Variants in TASOR2 observed in about 807,000 individuals in gnomAD.
TASOR2 encodes transcription activation suppressor family member 2.
TASOR2 carries 84 observed loss-of-function variants against 199.5 expected under a neutral mutation model. That is an observed-to-expected ratio of 0.42 (90% CI 0.35 to 0.50). The LOEUF (loss-of-function observed/expected upper bound fraction) is 0.50. Ranked by LOEUF, TASOR2 falls within the 20% of genes least tolerant of loss-of-function variation. TASOR2 has a pLI of 0.02. For synonymous variants in TASOR2, 1,103 were observed against 1,046.6 expected (o/e 1.05, Z -1.04); for missense variants, 2,796 against 2,835.9 (o/e 0.99, Z 0.32).
rs146849760 is a variant in TASOR2 at position 5,757,169 on chromosome 10, G to A, written c.6733-351G>A. On this transcript the variant is annotated intron_variant, in intron 16 of 20. Transcript: ENST00000328090. ...CTGCCGTCATCAGCAGGCAGTCGTCGGTGCTGGCACCAAGGGGAGCTGGAG... is the reference window on the plus strand; with the variant it reads ...CTGCCGTCATCAGCAGGCAGTCGTCAGTGCTGGCACCAAGGGGAGCTGGAG... Among the ~76,000 whole-genome samples the A allele has an allele frequency of 4.4e-3, 669 of 152,330 alleles. 1 individual carries two copies. Among genetic ancestry groups the A allele is most frequent in the Non-Finnish European group, 7.6e-3 (515 of 68,026 alleles).
chr10:5,692,387 G>A (rs1361974593), intron 1 of TASOR2, among the ~76,000 whole-genome samples: 2 of 152,086 alleles, frequency 1.3e-5, no homozygotes, highest in Non-Finnish European at 2.9e-5. Context: ...TTGCGGGTAG[G>A]ACACTTAAGG....
rs545669047 is a variant in TASOR2 at position 5,691,412 on chromosome 10, A to G, written c.-288+6237A>G. Among the ~76,000 whole-genome samples the G allele has an allele frequency of 4.9e-4, 75 of 152,300 alleles. 2 individuals carry two copies. Among genetic ancestry groups the G allele is most frequent in the Admixed American group, 4.7e-3 (72 of 15,302 alleles). On this transcript the variant is annotated intron_variant, in intron 1 of 20. Transcript: ENST00000328090. The stretch of plus-strand genomic sequence containing the variant: ...TCCAAAAATAAGCAAGCCACAGCTA[A>G]ATGAAAAAGTCATAGTACATAGGTG...
chr10:5,720,405 T>C lies in TASOR2; in HGVS notation c.-99-139T>C, dbSNP rs2131570710. The C allele has an allele frequency of 1.4e-6, 2 of 1,386,982 alleles. No homozygotes were observed. Among genetic ancestry groups the C allele is most frequent in the Non-Finnish European group, 1.9e-6 (2 of 1,076,566 alleles). 85.9% of individuals were successfully genotyped at this position (1,386,982 alleles called of 1,614,324 possible). On this transcript the variant is annotated intron_variant, in intron 3 of 20. Transcript: ENST00000328090. This position sits in a 1 kb window ranked among gnomAD's most constrained non-coding sequence, Gnocchi z 5.3. ...GCCTTTGAACTGAGTCAGGTATAGT[T>C]ACCTGTGAATGAGTAACACCCAAGA...
Position 5,751,557 on chromosome 10 carries a change from G to A in TASOR2, c.6606+1530G>A, listed in dbSNP as rs781321125. On this transcript the variant is annotated intron_variant, in intron 15 of 20. Coordinates refer to ENST00000328090, the Ensembl canonical transcript of TASOR2. This position sits in a 1 kb window ranked among gnomAD's most constrained non-coding sequence, Gnocchi z 5.3. ...GGAGTCCCTTTAAGTTGGCTTCTGTGTCCTTTTGACAATTCGCCATAATTC... is the reference window on the plus strand; with the variant it reads ...GGAGTCCCTTTAAGTTGGCTTCTGTATCCTTTTGACAATTCGCCATAATTC... Among the ~76,000 whole-genome samples, 4 of 152,204 alleles carry A rather than the reference G, an allele frequency of 2.6e-5. No homozygotes were observed. The highest frequency in any genetic ancestry group is 5.9e-5 in the Non-Finnish European group (4 of 68,042).
intron 8 of TASOR2, among the ~76,000 whole-genome samples, chr10:5,726,329 C>A (rs1420072024): frequency 1.3e-5 from 2 of 152,102 alleles, no homozygotes; most frequent in Admixed American, 1.3e-4. Context: ...TAGAGGGGAA[C>A]AAAAGAGAGG....
intron 8 of TASOR2, among the ~76,000 whole-genome samples, 160 bp downstream of exon 9, chr10:5,724,693 ATATT>A (rs1435352007): frequency 1.6e-4 from 24 of 149,224 alleles, no homozygotes; most frequent in East Asian, 3.9e-4. Context: ...ATATAGATAT[ATATT>A]AGTTGTGCTG....
chr10:5,734,093 G>A (rs12261849), intron 11 of TASOR2, among the ~76,000 whole-genome samples: 4,906 of 152,156 alleles, frequency 0.032, 289 homozygotes, highest in African/African-American at 0.11. Context: ...GAGAAGTAGC[G>A]TCTTCTGTAT....
chr10:5,721,556 C>T (rs530898558), intron 6 of TASOR2, among the ~76,000 whole-genome samples: 1 of 151,742 alleles, frequency 6.6e-6, no homozygotes, highest in African/African-American at 2.4e-5. Flanking sequence ...TTCCTATCGG[C>T]CTTTTTTAAG....
At chr10:5,761,226 G>A (rs553678616) in intron 18 of TASOR2, 64 bp from the exon 20 acceptor site, 1 of 1,415,832 alleles carries the variant, frequency 7.1e-7, no homozygotes, top group African/African-American at 1.4e-5. Flanking sequence ...TTAAACTGAA[G>A]GCAAGAAAAA....
chr10:5,734,397 C>A (rs1382469276), intron 11 of TASOR2, among the ~76,000 whole-genome samples: 1 of 152,140 alleles, frequency 6.6e-6, no homozygotes, highest in Non-Finnish European at 1.5e-5. Flanking sequence ...TTCTAAGAGT[C>A]ATCATTGTGT....
exon 1 of TASOR2, chr10:5,684,842 C>T (rs1395127283): frequency 5.2e-6 from 2 of 384,622 alleles, no homozygotes; most frequent in Non-Finnish European, 9.2e-6. Context: ...GGTTTTGCTT[C>T]CGGTTGCTAG....
chr10:5,761,708 C>T, intron 19 of TASOR2: 1 of 485,976 alleles, frequency 2.1e-6, no homozygotes, highest in Non-Finnish European at 3.7e-6. Flanking sequence ...ATACTCAATA[C>T]AGTATAAGTA....
intron 1 of TASOR2, among the ~76,000 whole-genome samples, chr10:5,711,358 A>C (rs895942069): frequency 6.6e-6 from 1 of 152,140 alleles, no homozygotes; most frequent in Non-Finnish European, 1.5e-5. Context: ...GAACTTTAAT[A>C]CATTTGGCAG....
intron 19 of TASOR2, among the ~76,000 whole-genome samples, chr10:5,761,983 A>C (rs546576564): frequency 6.6e-6 from 1 of 152,118 alleles, no homozygotes; most frequent in South Asian, 2.1e-4. Flanking sequence ...GCTTTTAAAA[A>C]ATTTGTGGGG....
At chr10:5,691,489 G>T (rs1169241478) in intron 1 of TASOR2, among the ~76,000 whole-genome samples, 2 of 151,976 alleles carry the variant, frequency 1.3e-5, no homozygotes, top group East Asian at 3.8e-4. Context: ...TTTTAAAAAA[G>T]GTAATTTGTC....
Position 5,687,326 on chromosome 10 carries a change from GT to G in TASOR2, c.-288+2155del, listed in dbSNP as rs1461054562. ...AATTATTCCCTTGCCTTTTTAAACA[GT>G]TTTATCACCTATATAGATATCCTTA... On this transcript the variant is annotated intron_variant, in intron 1 of 20. Transcript: ENST00000328090. This position sits in a 1 kb window ranked among gnomAD's most constrained non-coding sequence, Gnocchi z 4.8. Among the ~76,000 whole-genome samples the G allele has an allele frequency of 1.3e-5, 2 of 152,112 alleles. No homozygotes were observed. The highest frequency in any genetic ancestry group is 4.8e-5 in the African/African-American group (2 of 41,420).
In TASOR2 at chr10:5,730,333, T is replaced by C. The variant is rs866728946; in HGVS notation, c.488-154T>C. Reference sequence around the variant, plus strand: ...GAGATACATTTGTTAAATGTACCTCTAAGTCTTCTATTAATTGCCATTTAG... The same window carrying C: ...GAGATACATTTGTTAAATGTACCTCCAAGTCTTCTATTAATTGCCATTTAG... On this transcript the variant is annotated intron_variant, in intron 10 of 20. Coordinates refer to ENST00000328090, the Ensembl canonical transcript of TASOR2. The surrounding 1 kb of genome is among the most constrained non-coding windows in gnomAD (Gnocchi z 4.1). Among the ~76,000 whole-genome samples the C allele has an allele frequency of 9.8e-5, 15 of 152,368 alleles. No individual in the cohort carries two copies. Among genetic ancestry groups the C allele is most frequent in the Middle Eastern group, 6.8e-3 (2 of 294 alleles).
exon 15 of TASOR2, chr10:5,749,583 C>T (rs752295691): frequency 8.1e-6 from 13 of 1,613,964 alleles, no homozygotes; most frequent in African/African-American, 2.7e-5. Flanking sequence ...AGGGGCAGCC[C>T]AGGAGAGGCT....
Position 5,746,555 on chromosome 10 carries a change from C to T in TASOR2, c.3134C>T (p.Ala1045Val), listed in dbSNP as rs905058542. The T allele has an allele frequency of 1.1e-5, 18 of 1,613,994 alleles. No homozygotes were observed. The highest frequency in any genetic ancestry group is 1.4e-5 in the Non-Finnish European group (16 of 1,180,038). The change falls in exon 15 of 21, where the codon GCA (alanine) becomes GTA (valine). Residue 1045 changes from alanine (A) to valine (V), a missense_variant. Around this residue, in one of 3 missense-constraint regions of TASOR2, gnomAD observed 1,941 missense variants for 1,924.9 expected, o/e 1.01. Coordinates refer to ENST00000328090, the Ensembl canonical transcript of TASOR2. ...AGAAAGGATGATAATATGGGGTGTG[C>T]AGTGATTAACCCGGAACCAATTACT...
Sources: allele counts gnomAD v4.1 joint callset (sites outside exome capture counted in the v4.1 genomes callset), GRCh38; gene constraint gnomAD v4.1.1; regional missense constraint gnomAD v4.1.1; non-coding constraint Gnocchi (gnomAD v3.1); transcripts MANE v1.5; gene names NCBI Gene and HGNC (gene_info 2026-07-23, HGNC 2026-07-21).